DERA: variants seen among roughly 807,000 people sequenced by gnomAD.
DERA encodes the protein 2-deoxy-D-ribose 5-phosphate aldolase.
Under a neutral mutation model 41.1 loss-of-function variants are expected in DERA, and 15 were observed. The observed-to-expected ratio is 0.37, with a 90% CI of 0.24 to 0.56. DERA has a LOEUF of 0.56. Among genes scored for constraint, DERA ranks in the 20% least tolerant of loss-of-function variants. The probability of loss-of-function intolerance (pLI) is 0.81; values close to 1 mark genes in which losing one functional copy is unlikely to be tolerated. For missense variants in DERA, 396 were observed against 403.4 expected, an observed-to-expected ratio of 0.98 and a Z score of 0.16; for synonymous variants, 139 against 137.4, an observed-to-expected ratio of 1.01 and a Z score of -0.08.
Position 15,967,658 on chromosome 12 carries a change from T to C in DERA, c.508+4711T>C, listed in dbSNP as rs1439322192. 1.3e-5 allele frequency among the ~76,000 whole-genome samples: 2 copies of C among 152,194 alleles called. No individual in the cohort carries two copies. The highest frequency in any genetic ancestry group is 4.8e-5 in the African/African-American group (2 of 41,444). ...GCTTTTTGATTTATGTATCTTCTTA[T>C]TTGTTACTGTTTTTTTGCCTACTCC... is the stretch of plus-strand genomic sequence containing the variant. On this transcript the variant is annotated intron_variant, in intron 5 of 8. Coordinates refer to ENST00000428559, the MANE Select transcript of DERA (RefSeq NM_015954.4). The surrounding 1 kb of genome is among the most constrained non-coding windows in gnomAD (Gnocchi z 4.9).
chr12:15,959,740 G>T lies in DERA; in HGVS notation c.278-89G>T, dbSNP rs1003312483. 8 of 789,298 alleles carry T rather than the reference G, an allele frequency of 1.0e-5. No homozygotes were observed. Among genetic ancestry groups the T allele is most frequent in the African/African-American group, 1.7e-5 (1 of 57,528 alleles). The allele number at this position is 789,298 out of a possible 1,614,324, so 48.9% of individuals were successfully genotyped here. The stretch of plus-strand genomic sequence containing the variant: ...ATTATTTTTTTCTCATTTGATTTTT[G>T]CCAGTGTTGCGATATAAATAATAAT... On this transcript the variant is annotated intron_variant, in intron 3 of 8. Coordinates refer to ENST00000428559, the MANE Select transcript of DERA (RefSeq NM_015954.4). This position sits in a 1 kb window ranked among gnomAD's most constrained non-coding sequence, Gnocchi z 4.5.
chr12:16,032,885 A>T (rs1199505035), intron 7 of DERA: 2 of 440,828 alleles, frequency 4.5e-6, no homozygotes, highest in Non-Finnish European at 8.1e-6. Flanking sequence ...CAAGATGTAA[A>T]CTCACTTTAT....
At chr12:16,030,523 C>G (rs1321922875) in intron 6 of DERA, among the ~76,000 whole-genome samples, 4 of 152,098 alleles carry the variant, frequency 2.6e-5, no homozygotes, top group South Asian at 2.1e-4. Flanking sequence ...TTAGTATATG[C>G]CTAGCTCAAG....
rs928505961 is a variant in DERA, at chr12:15,931,306, T to A, written c.31+19892T>A. On this transcript the variant is annotated intron_variant, in intron 1 of 8. Coordinates refer to ENST00000428559, the MANE Select transcript of DERA (RefSeq NM_015954.4). This position sits in a 1 kb window ranked among gnomAD's most constrained non-coding sequence, Gnocchi z 4.6. ...TAAAATTTTAATTTTGGAAAGTTCT[T>A]CATCTAGTAGTTTTCATTGAGAGGA... Among the ~76,000 whole-genome samples the A allele has an allele frequency of 4.6e-5, 7 of 152,224 alleles. No individual in the cohort carries two copies. The highest frequency in any genetic ancestry group is 1.7e-4 in the African/African-American group (7 of 41,470).
chr12:15,973,036 T>C (rs1334443962), intron 5 of DERA, among the ~76,000 whole-genome samples: 12 of 152,106 alleles, frequency 7.9e-5, no homozygotes, highest in Non-Finnish European at 1.3e-4. Context: ...CCGAGTGCTC[T>C]GATTCCTGTC....
At chr12:15,956,691 G>A in intron 1 of DERA, 3 of 549,676 alleles carry the variant, frequency 5.5e-6, no homozygotes, top group South Asian at 4.6e-5. Context: ...GTATAGGCTG[G>A]TACAGAAGCA....
intron 1 of DERA, among the ~76,000 whole-genome samples, chr12:15,932,229 T>A (rs1210376147): frequency 6.6e-6 from 1 of 152,246 alleles, no homozygotes. Context: ...GATTTTTAGA[T>A]GACAGCTTTC....
Position 15,918,216 on chromosome 12 carries a change from C to G in DERA, c.31+6802C>G, listed in dbSNP as rs1201902385. ...CTTCCTCATCCCGCTGGTGCTTGGT[C>G]CCCCACAGCAGGCTGCTGCCTACAC... is the stretch of plus-strand genomic sequence containing the variant. On this transcript the variant is annotated intron_variant, in intron 1 of 8. Coordinates refer to ENST00000428559, the MANE Select transcript of DERA (RefSeq NM_015954.4). The surrounding 1 kb of genome is among the most constrained non-coding windows in gnomAD (Gnocchi z 4.3). Among the ~76,000 whole-genome samples, 2 of 152,200 alleles carry G rather than the reference C, an allele frequency of 1.3e-5. No individual in the cohort carries two copies. Among genetic ancestry groups the G allele is most frequent in the Non-Finnish European group, 2.9e-5 (2 of 68,028 alleles).
At chr12:15,944,944 A>G (rs1026462737) in intron 1 of DERA, among the ~76,000 whole-genome samples, 5 of 152,214 alleles carry the variant, frequency 3.3e-5, no homozygotes, top group African/African-American at 1.2e-4. Flanking sequence ...AGCTTTCTAC[A>G]TATGGCTAGC....
rs1948942731 is a variant in DERA, at chr12:16,010,874, G to C, written c.638-21668G>C. Among the ~76,000 whole-genome samples, 2 of 151,536 alleles carry C rather than the reference G, an allele frequency of 1.3e-5. No homozygotes were observed. Among genetic ancestry groups the C allele is most frequent in the African/African-American group, 4.9e-5 (2 of 40,952 alleles). The stretch of plus-strand genomic sequence containing the variant: ...TATGAAAGACAGGTCACTGTAAAAA[G>C]AAACTCTACCCACTTATCATCAATT... On this transcript the variant is annotated intron_variant, in intron 6 of 8. Transcript: ENST00000428559. This position sits in a 1 kb window ranked among gnomAD's most constrained non-coding sequence, Gnocchi z 5.5.
At chr12:15,978,525 GTAATTAGGCTTAGAGAAATCGAA>G (rs1948713497) in intron 5 of DERA, among the ~76,000 whole-genome samples, 2 of 152,168 alleles carry the variant, frequency 1.3e-5, no homozygotes, top group South Asian at 4.1e-4. Context: ...GCCTCCCTAA[GTAATTAGGCTTAGAGAAATCGAA>G]TAATTCCTAA....
At chr12:15,912,563 A>G (rs780577372) in intron 1 of DERA, among the ~76,000 whole-genome samples, 17 of 152,178 alleles carry the variant, frequency 1.1e-4, no homozygotes, top group Non-Finnish European at 2.5e-4. Flanking sequence ...CATCTGTAAA[A>G]TGGTTATTTT....
intron 5 of DERA, among the ~76,000 whole-genome samples, chr12:15,974,196 C>A (rs1057243520): frequency 5.9e-5 from 9 of 152,138 alleles, no homozygotes; most frequent in African/African-American, 1.7e-4. Context: ...GACAGGGACA[C>A]TCTTGTACCA....
chr12:16,036,610 T>A lies in DERA; in HGVS notation c.901-80T>A. On this transcript the variant is annotated intron_variant, in intron 8 of 8. Coordinates refer to ENST00000428559, the MANE Select transcript of DERA (RefSeq NM_015954.4). This position sits in a 1 kb window ranked among gnomAD's most constrained non-coding sequence, Gnocchi z 4.9. ...ATGAAATGTTCATTAAAACTATTTA[T>A]TATTATTTGATAGTATAATTATTAA... is the stretch of plus-strand genomic sequence containing the variant. 8.9e-7 allele frequency: 1 copy of A among 1,120,154 alleles called. No individual in the cohort carries two copies. The highest frequency in any genetic ancestry group is 1.4e-5 in the South Asian group (1 of 69,886). 69.4% of individuals were successfully genotyped at this position (1,120,154 alleles called of 1,614,324 possible). A position where few individuals can be genotyped will look rare whatever the true frequency, so the allele number is the denominator to read the frequency against.
intron 1 of DERA, among the ~76,000 whole-genome samples, chr12:15,937,348 A>G (rs1948375989): frequency 6.6e-6 from 1 of 152,180 alleles, no homozygotes; most frequent in South Asian, 2.1e-4. Flanking sequence ...GATGCTGTGT[A>G]TTTTACATAT....
chr12:15,944,779 G>A (rs955883932), intron 1 of DERA, among the ~76,000 whole-genome samples: 1 of 152,106 alleles, frequency 6.6e-6, no homozygotes, highest in African/African-American at 2.4e-5. Flanking sequence ...ATTGCTTTTG[G>A]TGTTTTAGAC....
At chr12:16,024,182 A>G (rs1030534697) in intron 6 of DERA, among the ~76,000 whole-genome samples, 1 of 152,246 alleles carries the variant, frequency 6.6e-6, no homozygotes, top group Non-Finnish European at 1.5e-5. Context: ...GGCATAACAT[A>G]TGGTGTATAA....
chr12:15,936,905 C>CTTGT lies in DERA; in HGVS notation c.32-20031_32-20030insTTGT, dbSNP rs1948370138. Among the ~76,000 whole-genome samples, 2 of 144,970 alleles carry CTTGT rather than the reference C, an allele frequency of 1.4e-5. No homozygotes were observed. The highest frequency in any genetic ancestry group is 3.0e-5 in the Non-Finnish European group (2 of 66,250). On this transcript the variant is annotated intron_variant, in intron 1 of 8. Transcript: ENST00000428559. This position sits in a 1 kb window ranked among gnomAD's most constrained non-coding sequence, Gnocchi z 4.6. ...CTTGTCTTGTCCTGTCCTGTCCTGT[C>CTTGT]CTGTCCTGTCCTGTCCTGTCCTGTC...
At chr12:15,963,179 T>C (rs1432608625) in intron 5 of DERA, among the ~76,000 whole-genome samples, 1 of 152,226 alleles carries the variant, frequency 6.6e-6, no homozygotes, top group Admixed American at 6.5e-5. Context: ...CTTAGGTGAA[T>C]AGTTACTTCC....
Sources: allele counts gnomAD v4.1 joint callset (sites outside exome capture counted in the v4.1 genomes callset), GRCh38; gene constraint gnomAD v4.1.1; non-coding constraint Gnocchi (gnomAD v3.1); transcripts MANE v1.5; gene names NCBI Gene and HGNC (gene_info 2026-07-23, HGNC 2026-07-21).